ZFPM2: variants seen among roughly 807,000 people sequenced by gnomAD.
ZFPM2 encodes the protein zinc finger protein ZFPM2.
In ZFPM2, 20 loss-of-function variants were observed where a neutral mutation model predicts 98.6. The ratio of observed to expected loss-of-function variants is 0.20; its 90% confidence interval spans 0.14 to 0.29. The LOEUF is 0.29. Among genes scored for constraint, ZFPM2 ranks in the 10% least tolerant of loss-of-function variants. The pLI is 1.00. For missense variants in ZFPM2, 1,310 were observed against 1,388.6 expected, an observed-to-expected ratio of 0.94 and a Z score of 0.90; for synonymous variants, 518 against 502.7, an observed-to-expected ratio of 1.03 and a Z score of -0.41.
At chr8:105,564,586 G>A (rs534759331) in intron 4 of ZFPM2, among the ~76,000 whole-genome samples, 1 of 151,970 alleles carries the variant, frequency 6.6e-6, no homozygotes, top group South Asian at 2.1e-4. Flanking sequence ...CTGTGAATTT[G>A]GTTCTATCAT....
At chr8:105,334,710 T>A (rs1398191547) in intron 1 of ZFPM2, among the ~76,000 whole-genome samples, 1 of 151,748 alleles carries the variant, frequency 6.6e-6, no homozygotes, top group African/African-American at 2.4e-5. Flanking sequence ...CCGAAAGAGT[T>A]CATCTCTCAC....
chr8:105,782,646 T>C (rs1813283806), intron 5 of ZFPM2, among the ~76,000 whole-genome samples: 1 of 152,188 alleles, frequency 6.6e-6, no homozygotes, highest in African/African-American at 2.4e-5. Flanking sequence ...TATAAAACTT[T>C]ATGGGTTTTT....
chr8:105,683,567 C>A (rs1338310644), intron 5 of ZFPM2, among the ~76,000 whole-genome samples: 3 of 152,010 alleles, frequency 2.0e-5, no homozygotes, highest in African/African-American at 2.4e-5. Flanking sequence ...CCACACACAC[C>A]CAGACAATCT....
chr8:105,802,617 G>T lies in ZFPM2; in HGVS notation c.2535G>T (p.Thr845=). 6.2e-7 allele frequency: 1 copy of T among 1,610,666 alleles called. No individual in the cohort carries two copies. ...KCLSQSERTT[T]SPKRLLDYHE... ...TATCTCAGTCTGAGCGGACGACCAC[G>T]TCTCCCAAAAGGCTGCTGGACTATC... Residue 845 remains threonine (T), a synonymous_variant, in exon 8 of 8, where the codon ACG becomes ACT. Transcript: ENST00000407775.
At chr8:105,651,300 T>G (rs1336802837) in intron 5 of ZFPM2, among the ~76,000 whole-genome samples, 1 of 152,038 alleles carries the variant, frequency 6.6e-6, no homozygotes, top group African/African-American at 2.4e-5. Flanking sequence ...CTCAATTGTT[T>G]AAAGTTTCTC....
intron 5 of ZFPM2, among the ~76,000 whole-genome samples, chr8:105,706,914 T>C (rs2130967316): frequency 6.6e-6 from 1 of 152,272 alleles, no homozygotes; most frequent in Non-Finnish European, 1.5e-5. Context: ...AATAATGGTT[T>C]CTTATGAAAA....
At chr8:105,357,403 C>CA (rs1221886330) in intron 1 of ZFPM2, among the ~76,000 whole-genome samples, 2 of 152,198 alleles carry the variant, frequency 1.3e-5, no homozygotes, top group Non-Finnish European at 2.9e-5. Flanking sequence ...CACATGTACA[C>CA]ACAAAGAGTT....
At chr8:105,473,554 A>T (rs1812951034) in intron 3 of ZFPM2, among the ~76,000 whole-genome samples, 1 of 152,166 alleles carries the variant, frequency 6.6e-6, no homozygotes, top group Admixed American at 6.6e-5. Flanking sequence ...GGGTTAAGAG[A>T]GGAAAGAAAA....
At chr8:105,788,374 A>C (rs1813486465) in intron 5 of ZFPM2, among the ~76,000 whole-genome samples, 1 of 152,214 alleles carries the variant, frequency 6.6e-6, no homozygotes, top group African/African-American at 2.4e-5. Context: ...TTGGGTCTCT[A>C]CTATGCTGGT....
At chr8:105,487,879 A>G (rs2130416380) in intron 3 of ZFPM2, among the ~76,000 whole-genome samples, 1 of 149,002 alleles carries the variant, frequency 6.7e-6, no homozygotes, top group Non-Finnish European at 1.5e-5. Flanking sequence ...CTTTAACCCT[A>G]TAAAGTCTGT....
At chr8:105,558,891 A>G (rs1815063309) in intron 3 of ZFPM2, among the ~76,000 whole-genome samples, 2 of 152,216 alleles carry the variant, frequency 1.3e-5, no homozygotes, top group Non-Finnish European at 2.9e-5. Context: ...TAAATTGTAA[A>G]TAAACTGTTT....
At chr8:105,658,081 G>C (rs190305216) in intron 5 of ZFPM2, among the ~76,000 whole-genome samples, 62 of 152,140 alleles carry the variant, frequency 4.1e-4, no homozygotes, top group African/African-American at 1.5e-3. Flanking sequence ...GAATATTTGG[G>C]ATATTTTCTT....
chr8:105,438,459 A>G (rs1039396996), intron 2 of ZFPM2, among the ~76,000 whole-genome samples: 4 of 152,140 alleles, frequency 2.6e-5, no homozygotes, highest in African/African-American at 9.7e-5. Context: ...ATTGAACTGG[A>G]TCATTTTCTT....
At chr8:105,757,220 G>T (rs1325846494) in intron 5 of ZFPM2, among the ~76,000 whole-genome samples, 1 of 152,060 alleles carries the variant, frequency 6.6e-6, no homozygotes, top group Non-Finnish European at 1.5e-5. Context: ...ACGTCTAAAG[G>T]CATTTTATCT....
At chr8:105,432,853 A>G (rs1309269054) in intron 2 of ZFPM2, among the ~76,000 whole-genome samples, 1 of 152,200 alleles carries the variant, frequency 6.6e-6, no homozygotes, top group Non-Finnish European at 1.5e-5. Flanking sequence ...TAATCCCAGC[A>G]CTTTGGGAGG....
chr8:105,724,256 A>G (rs1020341306), intron 5 of ZFPM2, among the ~76,000 whole-genome samples: 3 of 151,860 alleles, frequency 2.0e-5, no homozygotes, highest in Non-Finnish European at 4.4e-5. Context: ...GAGCTTCATG[A>G]ATTTCCTTTT....
chr8:105,369,519 CAG>C (rs1356136223), intron 1 of ZFPM2, among the ~76,000 whole-genome samples: 1 of 152,054 alleles, frequency 6.6e-6, no homozygotes, highest in African/African-American at 2.4e-5. Flanking sequence ...AGCATATGGA[CAG>C]AGTTAGTTAC....
At chr8:105,543,516 A>C (rs545135842) in intron 3 of ZFPM2, among the ~76,000 whole-genome samples, 4 of 152,298 alleles carry the variant, frequency 2.6e-5, no homozygotes, top group South Asian at 2.1e-4. Context: ...TGGATTACAT[A>C]AAATCAAATC....
At chr8:105,427,062 C>T (rs992976526) in intron 2 of ZFPM2, among the ~76,000 whole-genome samples, 1 of 152,006 alleles carries the variant, frequency 6.6e-6, no homozygotes, top group Non-Finnish European at 1.5e-5. Flanking sequence ...CTTAAAAGTC[C>T]CAAAACATAG....
Sources: gnomAD v4.1 joint callset for allele counts (sites outside exome capture counted in the v4.1 genomes callset) on GRCh38, gnomAD v4.1.1 for gene constraint, MANE v1.5 for transcripts, NCBI Gene and HGNC (gene_info 2026-07-23, HGNC 2026-07-21) for gene names.